Variants in LRRC4C observed in about 807,000 individuals in gnomAD.
LRRC4C encodes the protein leucine-rich repeat-containing protein 4C.
A neutral mutation model predicts 33.6 loss-of-function variants in LRRC4C; 5 were observed. The ratio of observed to expected loss-of-function variants is 0.15; its 90% CI spans 0.08 to 0.31. The LOEUF is 0.31. LRRC4C is among the 10% of genes least tolerant of loss of function. The pLI, the probability that LRRC4C is intolerant of heterozygous loss-of-function variation, is 1.00. For synonymous variants in LRRC4C, 329 were observed against 302.0 expected (o/e 1.09, Z -0.93); for missense variants, 560 against 796.7 (o/e 0.70, Z 3.58).
intron 1 of LRRC4C, among the ~76,000 whole-genome samples, chr11:41,336,418 T>TG (rs1352673195): frequency 1.4e-5 from 2 of 142,070 alleles, no homozygotes; most frequent in African/African-American, 5.2e-5. Context: ...GAATCTTCAG[T>TG]GGGAAAAAAA....
At chr11:40,764,565 C>G (rs1489519689) in intron 2 of LRRC4C, among the ~76,000 whole-genome samples, 1 of 152,102 alleles carries the variant, frequency 6.6e-6, no homozygotes, top group African/African-American at 2.4e-5. Flanking sequence ...AGGAGATAAG[C>G]CTGGCTGTAT....
intron 3 of LRRC4C, among the ~76,000 whole-genome samples, chr11:40,448,333 T>C (rs970925570): frequency 2.0e-5 from 3 of 152,156 alleles, no homozygotes; most frequent in African/African-American, 7.2e-5. Flanking sequence ...ACACATGCCA[T>C]GGTGGTTTGC....
At position 40,207,422 on chromosome 11, in the gene LRRC4C, C is replaced by A. The variant is rs182713561; in HGVS notation, c.-96+34097G>T. Reference sequence around the variant, plus strand: ...AAACCAGCCCAGGGAAGCAATATAGCAAGATTCCATCCCTACAAATGATTT... The same window carrying A: ...AAACCAGCCCAGGGAAGCAATATAGAAAGATTCCATCCCTACAAATGATTT... On this transcript the variant is annotated intron_variant, in intron 5 of 6. Transcript: ENST00000528697. Among the ~76,000 whole-genome samples, 398 of 152,150 alleles carry A rather than the reference C, an allele frequency of 2.6e-3. 2 individuals carry two copies. Among genetic ancestry groups the A allele is most frequent in the Admixed American group, 3.7e-3 (56 of 15,286 alleles).
chr11:41,117,198 AAG>A (rs1942178180), intron 1 of LRRC4C, among the ~76,000 whole-genome samples: 1 of 152,178 alleles, frequency 6.6e-6, no homozygotes, highest in Admixed American at 6.6e-5. Flanking sequence ...TGACAGGTGA[AAG>A]AGCCCTGCTG....
At chr11:40,249,435 AC>A (rs1263347016) in intron 4 of LRRC4C, among the ~76,000 whole-genome samples, 1 of 152,092 alleles carries the variant, frequency 6.6e-6, no homozygotes, top group Non-Finnish European at 1.5e-5. Flanking sequence ...CTGAATTCAT[AC>A]TTCATCCAAA....
At chr11:40,519,045 A>G (rs2135207534) in intron 3 of LRRC4C, among the ~76,000 whole-genome samples, 1 of 152,252 alleles carries the variant, frequency 6.6e-6, no homozygotes, top group Non-Finnish European at 1.5e-5. Flanking sequence ...AACAATGAGA[A>G]CACATGGACA....
At chr11:41,236,982 T>G (rs1366983953) in intron 1 of LRRC4C, among the ~76,000 whole-genome samples, 1 of 152,220 alleles carries the variant, frequency 6.6e-6, no homozygotes, top group East Asian at 1.9e-4. Context: ...AGCACATGCT[T>G]TCTATTTTGG....
chr11:40,582,440 T>C (rs1272154861), intron 3 of LRRC4C, among the ~76,000 whole-genome samples: 1 of 151,820 alleles, frequency 6.6e-6, no homozygotes, highest in Admixed American at 6.6e-5. Context: ...TCATCCATAG[T>C]CTTTAAAATT....
At chr11:40,306,211 T>A (rs1168782857) in intron 4 of LRRC4C, among the ~76,000 whole-genome samples, 1 of 152,228 alleles carries the variant, frequency 6.6e-6, no homozygotes, top group African/African-American at 2.4e-5. Flanking sequence ...TTATCTTTCC[T>A]ATAAAGATTT....
intron 3 of LRRC4C, among the ~76,000 whole-genome samples, chr11:40,403,246 T>C (rs1949830283): frequency 5.3e-5 from 8 of 152,134 alleles, no homozygotes; most frequent in Admixed American, 5.2e-4. Context: ...TGAGTGGTTA[T>C]GATAGCCTGT....
chr11:40,951,777 C>A (rs994033908), intron 1 of LRRC4C, among the ~76,000 whole-genome samples: 1 of 151,812 alleles, frequency 6.6e-6, no homozygotes, highest in Admixed American at 6.6e-5. Flanking sequence ...TAATATACCT[C>A]GGTAAGACAA....
rs373400525 is a variant in LRRC4C, at chr11:41,288,749, G to C, written c.-496+170682C>G. On this transcript the variant is annotated intron_variant, in intron 1 of 6. Coordinates refer to ENST00000528697, the MANE Select transcript of LRRC4C (RefSeq NM_001258419.2). ...AAGACTGAAATTAAAGTGTGGGCTA[G>C]AGCTGGGGTCTTATTTGAGGCTTAG... is the stretch of plus-strand genomic sequence containing the variant. Among the ~76,000 whole-genome samples, 45 of 152,260 alleles carry C rather than the reference G, an allele frequency of 3.0e-4. No individual in the cohort carries two copies. In the South Asian group the frequency reaches 8.9e-3, roughly 30 times the overall value.
chr11:40,470,587 C>G (rs560535402), intron 3 of LRRC4C, among the ~76,000 whole-genome samples: 1 of 152,154 alleles, frequency 6.6e-6, no homozygotes, highest in Admixed American at 6.5e-5. Flanking sequence ...ACAAACTTCT[C>G]TGAGTTAAAG....
chr11:41,265,421 C>G (rs1489959260), intron 1 of LRRC4C, among the ~76,000 whole-genome samples: 3 of 152,006 alleles, frequency 2.0e-5, no homozygotes, highest in Admixed American at 6.6e-5. Flanking sequence ...GGTGAGAAGA[C>G]TAAAATTAAG....
rs79540305 is a variant in LRRC4C, at chr11:40,540,439, A to G, written c.-270+107703T>C. Among the ~76,000 whole-genome samples, 1,339 of 152,242 alleles carry G rather than the reference A, an allele frequency of 8.8e-3. 11 individuals are homozygous for G. The highest frequency in any genetic ancestry group is 0.031 in the African/African-American group (1,271 of 41,554). On this transcript the variant is annotated intron_variant, in intron 3 of 6. Transcript: ENST00000528697. Reference sequence around the variant, plus strand: ...TCAAACCCAAACAGCCAGGTATTCTATTTCAGAAGGCTTCTGTGCAGCTTC... The same window carrying G: ...TCAAACCCAAACAGCCAGGTATTCTGTTTCAGAAGGCTTCTGTGCAGCTTC...
intron 5 of LRRC4C, among the ~76,000 whole-genome samples, chr11:40,198,686 A>C (rs1285558232): frequency 6.6e-6 from 1 of 152,190 alleles, no homozygotes; most frequent in Non-Finnish European, 1.5e-5. Flanking sequence ...TGGATCTGAG[A>C]TATGGAATAA....
Position 40,114,423 on chromosome 11 carries a change from G to A in LRRC4C, c.1870C>T (p.Pro624Ser). 1 of 1,613,984 alleles carries A rather than the reference G, an allele frequency of 6.2e-7. No homozygotes were observed. The highest frequency in any genetic ancestry group is 8.5e-7 in the Non-Finnish European group (1 of 1,179,978). ...TTAGAGTTCATTCGGATCAATAACGGTTCATGCACTGAACTGTGTATTGAA... is the reference window on the plus strand; with the variant it reads ...TTAGAGTTCATTCGGATCAATAACGATTCATGCACTGAACTGTGTATTGAA... Reference protein sequence around the residue: ...INSIHSSVHEPLLIRMNSKDN... With the variant: ...INSIHSSVHESLLIRMNSKDN... Residue 624 changes from proline to serine, a missense_variant, in exon 7 of 7, where the codon CCG (proline) becomes TCG (serine). Pro to Ser is a moderately conservative substitution (Grantham distance 74, BLOSUM62 -1). Coordinates refer to ENST00000528697, the MANE Select transcript of LRRC4C (RefSeq NM_001258419.2).
chr11:40,116,413 T>G, intron 6 of LRRC4C, 79 bp from the exon 7 acceptor site: 1 of 1,398,574 alleles, frequency 7.2e-7, no homozygotes, highest in East Asian at 2.4e-5. Context: ...GTCGGTGATA[T>G]AGTGTATCAG....
intron 1 of LRRC4C, among the ~76,000 whole-genome samples, chr11:41,248,729 C>A (rs1482626164): frequency 6.6e-6 from 1 of 152,112 alleles, no homozygotes; most frequent in Non-Finnish European, 1.5e-5. Context: ...CAGTCTCAAT[C>A]TCTTCTCTAA....
Sources: allele counts gnomAD v4.1 joint callset (sites outside exome capture counted in the v4.1 genomes callset), GRCh38; gene constraint gnomAD v4.1.1; transcripts MANE v1.5; gene names NCBI Gene and HGNC (gene_info 2026-07-23, HGNC 2026-07-21).